RAB9B: variants seen among roughly 807,000 people sequenced by gnomAD.
The protein encoded by RAB9B is RAB9B, member RAS oncogene family.
RAB9B carries 1 observed loss-of-function variant against 8.9 expected under a neutral mutation model. The observed-to-expected ratio is 0.11, with a 90% CI of 0.04 to 0.53. The LOEUF (loss-of-function observed/expected upper bound fraction) is 0.53. RAB9B is among the 20% of genes least tolerant of loss of function. The probability of loss-of-function intolerance (pLI) is 0.93; values close to 1 mark genes in which losing one functional copy is unlikely to be tolerated. For missense variants in RAB9B, 82 were observed against 152.9 expected, an observed-to-expected ratio of 0.54 and a Z score of 2.45; for synonymous variants, 63 against 57.0, an observed-to-expected ratio of 1.10 and a Z score of -0.47.
chrX:103,824,569 G>A lies in RAB9B; in HGVS notation c.*610C>T, dbSNP rs1234746931. On this transcript the variant is annotated 3_prime_UTR_variant, in exon 3 of 3. Transcript: ENST00000243298. Reference sequence around the variant, plus strand: ...GTGTCATTAGAGTATCTCTTATTGAGATGGGATTTTTTGAAAAGCTCAGAT... The same window carrying A: ...GTGTCATTAGAGTATCTCTTATTGAAATGGGATTTTTTGAAAAGCTCAGAT... 8.9e-6 allele frequency: 1 copy of A among 112,127 alleles called. No homozygotes were observed. Among genetic ancestry groups the A allele is most frequent in the African/African-American group, 3.2e-5 (1 of 30,831 alleles). The allele number at this position is 112,127 out of a possible 1,213,427, so 9.2% of individuals were successfully genotyped here.
At chrX:103,780,437 CTCTGTGTGTGTGTGTG>C in the RAB9B span, among the ~76,000 whole-genome samples, 1 of 87,836 alleles carries the variant, frequency 1.1e-5, no homozygotes, top group Non-Finnish European at 2.4e-5. Context: ...TTCTGTCTCT[CTCTGTGTGTGTGTGTG>C]TGTGTGTGTG....
At chrX:103,797,339 A>G in the RAB9B span, among the ~76,000 whole-genome samples, 3 of 111,642 alleles carry the variant, frequency 2.7e-5, no homozygotes, top group Admixed American at 2.8e-4. Context: ...AGCCTCCCAA[A>G]GAGCTGGGAT....
the RAB9B span, chrX:103,792,005 C>G: frequency 1.8e-5 from 2 of 111,340 alleles, no homozygotes; most frequent in African/African-American, 3.3e-5. Context: ...ACAGAATGCA[C>G]CAGTCATCAG....
chrX:103,787,806 C>A, the RAB9B span: 2 of 1,208,748 alleles, frequency 1.7e-6, no homozygotes. Context: ...AGTTTGTGGG[C>A]ATCACCTATG....
At chrX:103,790,444 C>A in the RAB9B span, 1 of 691,274 alleles carries the variant, frequency 1.4e-6, no homozygotes, top group Non-Finnish European at 2.4e-6. Context: ...TTTATTTCTA[C>A]CCTTCCTCAT....
chrX:103,783,662 T>A, the RAB9B span, among the ~76,000 whole-genome samples: 1 of 112,195 alleles, frequency 8.9e-6, no homozygotes, highest in East Asian at 2.8e-4. Flanking sequence ...CACTAGGTAT[T>A]CATGCTCTCT....
chrX:103,821,442 A>G (rs2074660392), downstream of RAB9B, among the ~76,000 whole-genome samples: 1 of 110,870 alleles, frequency 9.0e-6, no homozygotes, highest in Non-Finnish European at 1.9e-5. Context: ...GTAGACAGAG[A>G]GAAGAGAGTG....
At position 103,823,470 on chromosome X, in the gene RAB9B, G is replaced by C. The variant is rs1335030246; in HGVS notation, c.*1709C>G. ...GCACAAAGGTCCTACATGTAAGTAAGGCTGATTCCATACGTGGCTACAATG... is the reference window on the plus strand; with the variant it reads ...GCACAAAGGTCCTACATGTAAGTAACGCTGATTCCATACGTGGCTACAATG... On this transcript the variant is annotated 3_prime_UTR_variant, in exon 3 of 3. Coordinates refer to ENST00000243298, the MANE Select transcript of RAB9B (RefSeq NM_016370.4). 8.9e-6 allele frequency: 1 copy of C among 112,062 alleles called. No homozygotes were observed. Among genetic ancestry groups the C allele is most frequent in the Non-Finnish European group, 1.9e-5 (1 of 53,254 alleles). 9.2% of individuals were successfully genotyped at this position (112,062 alleles called of 1,213,427 possible).
the RAB9B span, among the ~76,000 whole-genome samples, chrX:103,793,061 T>C: frequency 1.8e-5 from 2 of 112,270 alleles, no homozygotes; most frequent in African/African-American, 3.2e-5. Flanking sequence ...TAGTAATTCA[T>C]ACGTGACTAA....
the RAB9B span, among the ~76,000 whole-genome samples, chrX:103,802,546 A>C: frequency 8.9e-6 from 1 of 111,852 alleles, no homozygotes; most frequent in African/African-American, 3.3e-5. Flanking sequence ...CCTTTGCTTT[A>C]CTGGGAAATG....
the RAB9B span, among the ~76,000 whole-genome samples, chrX:103,806,398 A>G: frequency 9.0e-6 from 1 of 111,172 alleles, no homozygotes; most frequent in Admixed American, 9.6e-5. Context: ...ATATTTGTGA[A>G]TTTCCCAAAT....
the RAB9B span, among the ~76,000 whole-genome samples, chrX:103,790,281 T>C: frequency 2.7e-5 from 3 of 112,692 alleles, no homozygotes; most frequent in African/African-American, 9.7e-5. Context: ...AGGTGTGGAA[T>C]AAATCTTTAT....
chrX:103,790,603 C>A, the RAB9B span: 4 of 1,175,815 alleles, frequency 3.4e-6, no homozygotes, highest in Non-Finnish European at 4.6e-6. Flanking sequence ...TTCTGATCCC[C>A]CGTAGAAATC....
chrX:103,830,246 A>G (rs978452580), intron 1 of RAB9B, among the ~76,000 whole-genome samples: 13 of 111,795 alleles, frequency 1.2e-4, no homozygotes, highest in Admixed American at 2.8e-4. Context: ...TTGAAAATGA[A>G]TGTCATGTCC....
At chrX:103,786,850 G>T in the RAB9B span, 6 of 726,262 alleles carry the variant, frequency 8.3e-6, no homozygotes, top group African/African-American at 2.1e-5. Context: ...GTGAGGAAGC[G>T]ATGGCTGCAG....
chrX:103,793,758 T>C, the RAB9B span, among the ~76,000 whole-genome samples: 2 of 111,772 alleles, frequency 1.8e-5, no homozygotes, highest in African/African-American at 6.5e-5. Flanking sequence ...AGTCTATCAA[T>C]TGAACCCATT....
chrX:103,806,655 G>T, the RAB9B span, among the ~76,000 whole-genome samples: 2 of 111,390 alleles, frequency 1.8e-5, no homozygotes, highest in Non-Finnish European at 3.8e-5. Context: ...TTGTTTAGTT[G>T]CCTAGTTTTT....
the RAB9B span, among the ~76,000 whole-genome samples, chrX:103,806,308 T>C: frequency 2.7e-5 from 3 of 111,490 alleles, no homozygotes; most frequent in Admixed American, 9.6e-5. Flanking sequence ...TTCATTTTTA[T>C]TCATCTCAAG....
Position 103,822,382 on chromosome X carries a change from G to T in RAB9B, c.*2797C>A, listed in dbSNP as rs2074664623. On this transcript the variant is annotated 3_prime_UTR_variant, in exon 3 of 3. Coordinates refer to ENST00000243298, the MANE Select transcript of RAB9B (RefSeq NM_016370.4). ...ACTTTAACACAGATGATTTTTTACAGTTGAAAGAAAATATTTGATACACAA... is the reference window on the plus strand; with the variant it reads ...ACTTTAACACAGATGATTTTTTACATTTGAAAGAAAATATTTGATACACAA... 1 of 112,110 alleles carries T rather than the reference G, an allele frequency of 8.9e-6. No homozygotes were observed. Among genetic ancestry groups the T allele is most frequent in the Non-Finnish European group, 1.9e-5 (1 of 53,220 alleles). 9.2% of individuals were successfully genotyped at this position (112,110 alleles called of 1,213,427 possible).
Sources: allele counts gnomAD v4.1 joint callset (sites outside exome capture counted in the v4.1 genomes callset), GRCh38; gene constraint gnomAD v4.1.1; transcripts MANE v1.5; gene names NCBI Gene and HGNC (gene_info 2026-07-23, HGNC 2026-07-21).